The following TASP1 variants were observed in gnomAD, a reference collection of about 807,000 sequenced individuals.
TASP1 encodes the protein taspase 1, also known as threonine aspartase 1.
A neutral mutation model predicts 56.6 loss-of-function variants in TASP1; 16 were observed. The observed-to-expected ratio is 0.28, with a 90% CI of 0.19 to 0.43. The LOEUF is 0.43. TASP1 is among the 20% of genes least tolerant of loss of function. The pLI is 1.00. For missense variants in TASP1, 393 were observed against 511.6 expected, an observed-to-expected ratio of 0.77 and a Z score of 2.24; for synonymous variants, 179 against 184.2, an observed-to-expected ratio of 0.97 and a Z score of 0.23.
the TASP1 span, among the ~76,000 whole-genome samples, chr20:13,120,019 A>T: frequency 1.3e-5 from 2 of 152,194 alleles, no homozygotes; most frequent in African/African-American, 4.8e-5. Context: ...AATTATGTTA[A>T]GTTTCATTAT....
chr20:13,469,788 T>C lies in TASP1; in HGVS notation c.985+13439A>G, dbSNP rs538630378. 1.3e-4 allele frequency among the ~76,000 whole-genome samples: 17 copies of C among 132,180 alleles called. No homozygotes were observed. The South Asian group carries it at 4.1e-3, about 32-fold the overall frequency. 86.7% of individuals were successfully genotyped at this position (132,180 alleles called of 152,430 possible). A position where few individuals can be genotyped will look rare whatever the true frequency, so the allele number is the denominator to read the frequency against. ...AATGACAGTTGTCCAGGTCAATAAA[T>C]GTCCTTTTTTTTTTTTTTTTTTTTT... On this transcript the variant is annotated intron_variant, in intron 11 of 13. Transcript: ENST00000337743.
chr20:13,392,283 A>G (rs6042063), intron 13 of TASP1, among the ~76,000 whole-genome samples: 19,356 of 152,176 alleles, frequency 0.13, 2,852 homozygotes, highest in African/African-American at 0.36. Flanking sequence ...TCCTTGCTAC[A>G]TGCCCTGCTC....
chr20:13,369,805 TC>T, the TASP1 span, among the ~76,000 whole-genome samples: 1 of 152,230 alleles, frequency 6.6e-6, no homozygotes, highest in Admixed American at 6.5e-5. Context: ...AAATATTGTT[TC>T]CAAATAAATG....
the TASP1 span, among the ~76,000 whole-genome samples, chr20:13,318,715 G>A: frequency 6.2e-4 from 94 of 152,258 alleles, no homozygotes; most frequent in African/African-American, 2.1e-3. Context: ...GAAATGAGCC[G>A]TCAAGCCATG....
the TASP1 span, among the ~76,000 whole-genome samples, chr20:13,201,708 AG>A: frequency 7.3e-5 from 11 of 151,696 alleles, no homozygotes; most frequent in Non-Finnish European, 1.3e-4. Flanking sequence ...AATGAAGAAA[AG>A]TTTGGGATGA....
At chr20:13,131,091 T>C in the TASP1 span, among the ~76,000 whole-genome samples, 4 of 151,070 alleles carry the variant, frequency 2.6e-5, no homozygotes, top group Non-Finnish European at 5.9e-5. Context: ...ATAGCACACA[T>C]AGCCTCAGGA....
chr20:13,180,028 C>T, the TASP1 span, among the ~76,000 whole-genome samples: 19 of 152,266 alleles, frequency 1.2e-4, no homozygotes, highest in Admixed American at 7.2e-4. Context: ...AGTCATCACT[C>T]ATCCAGACTG....
At chr20:13,571,459 T>C (rs764875167) in intron 6 of TASP1, among the ~76,000 whole-genome samples, 3 of 152,236 alleles carry the variant, frequency 2.0e-5, no homozygotes, top group Admixed American at 6.5e-5. Context: ...CACGCCAATC[T>C]ACTTCAAAGT....
chr20:13,295,585 C>A, the TASP1 span, among the ~76,000 whole-genome samples: 1 of 152,186 alleles, frequency 6.6e-6, no homozygotes, highest in Non-Finnish European at 1.5e-5. Context: ...AAGACCCAGA[C>A]ACCAAGATGG....
chr20:13,433,747 A>G (rs530602932), intron 12 of TASP1, among the ~76,000 whole-genome samples: 1 of 151,958 alleles, frequency 6.6e-6, no homozygotes, highest in African/African-American at 2.4e-5. Flanking sequence ...CAATCACACA[A>G]TATACATCAG....
At chr20:13,556,531 A>G (rs1349522436) in intron 8 of TASP1, among the ~76,000 whole-genome samples, 1 of 152,142 alleles carries the variant, frequency 6.6e-6, no homozygotes, top group Non-Finnish European at 1.5e-5. Context: ...AAAATTCTTG[A>G]ATAAAATTAT....
the TASP1 span, among the ~76,000 whole-genome samples, chr20:13,182,328 C>T: frequency 6.6e-6 from 1 of 152,152 alleles, no homozygotes; most frequent in African/African-American, 2.4e-5. Flanking sequence ...GTAATTAATG[C>T]ATTGCATTTC....
chr20:13,160,861 G>T, the TASP1 span, among the ~76,000 whole-genome samples: 1 of 152,210 alleles, frequency 6.6e-6, no homozygotes, highest in East Asian at 1.9e-4. Flanking sequence ...TGAAGGTGGG[G>T]TGAATTATTA....
At chr20:13,445,280 C>T (rs1332655138) in intron 11 of TASP1, among the ~76,000 whole-genome samples, 1 of 152,010 alleles carries the variant, frequency 6.6e-6, no homozygotes, top group African/African-American at 2.4e-5. Context: ...ATATATGTAC[C>T]TAATACTGTA....
intron 11 of TASP1, among the ~76,000 whole-genome samples, chr20:13,446,020 A>C (rs996952370): frequency 6.6e-6 from 1 of 152,176 alleles, no homozygotes; most frequent in African/African-American, 2.4e-5. Flanking sequence ...TGGTGGTCTC[A>C]AGTCATCTAT....
At chr20:13,312,556 C>A in the TASP1 span, among the ~76,000 whole-genome samples, 4 of 152,328 alleles carry the variant, frequency 2.6e-5, no homozygotes, top group East Asian at 5.8e-4. Flanking sequence ...GGACAGGAGG[C>A]CTCAAACAAG....
chr20:13,287,199 A>G, the TASP1 span, among the ~76,000 whole-genome samples: 49 of 152,318 alleles, frequency 3.2e-4, no homozygotes. Flanking sequence ...TAATGGACTC[A>G]CAGTTCCACA....
the TASP1 span, among the ~76,000 whole-genome samples, chr20:13,343,510 C>T: frequency 6.6e-6 from 1 of 152,220 alleles, no homozygotes; most frequent in Non-Finnish European, 1.5e-5. Context: ...CCTTTCTATG[C>T]GTTTCTCCCT....
chr20:13,334,259 G>C, the TASP1 span, among the ~76,000 whole-genome samples: 1 of 152,202 alleles, frequency 6.6e-6, no homozygotes, highest in South Asian at 2.1e-4. Flanking sequence ...ATAGAACAGT[G>C]AGAGAGAGTG....
Sources: gnomAD v4.1 joint callset for allele counts (sites outside exome capture counted in the v4.1 genomes callset) on GRCh38, gnomAD v4.1.1 for gene constraint, MANE v1.5 for transcripts, NCBI Gene and HGNC (gene_info 2026-07-23, HGNC 2026-07-21) for gene names.